The following FOXJ3 variants were observed in gnomAD, a reference collection of about 807,000 sequenced individuals.
FOXJ3 encodes forkhead box J3, also known as forkhead box protein J3.
Under a neutral mutation model 76.1 loss-of-function variants are expected in FOXJ3, and 22 were observed. The ratio of observed to expected loss-of-function variants is 0.29; its 90% CI spans 0.21 to 0.41. FOXJ3 has a LOEUF of 0.41. FOXJ3 is among the 10% of genes least tolerant of loss of function. FOXJ3 has a pLI of 1.00. For synonymous variants in FOXJ3, 269 were observed against 261.2 expected (o/e 1.03, Z -0.29); for missense variants, 613 against 762.1 (o/e 0.80, Z 2.30).
chr1:42,301,401 C>T (rs1654140831), intron 2 of FOXJ3, among the ~76,000 whole-genome samples: 1 of 152,036 alleles, frequency 6.6e-6, no homozygotes, highest in Admixed American at 6.6e-5. Context: ...GGGTTTTCAC[C>T]ATGTTGGCCA....
At chr1:42,314,550 C>A (rs1654998456) in intron 1 of FOXJ3, among the ~76,000 whole-genome samples, 1 of 152,182 alleles carries the variant, frequency 6.6e-6, no homozygotes, top group Non-Finnish European at 1.5e-5. Flanking sequence ...CCACGCCCAG[C>A]CCTCAGTCTC....
chr1:42,306,030 AAT>A (rs1475537059), intron 2 of FOXJ3, among the ~76,000 whole-genome samples: 2 of 152,200 alleles, frequency 1.3e-5, no homozygotes, highest in South Asian at 2.1e-4. Context: ...AGTTACAAAA[AAT>A]AGTCTATTGT....
chr1:42,188,983 G>C (rs1646490928), intron 10 of FOXJ3, 55 bp from the exon 11 acceptor site: 3 of 1,144,934 alleles, frequency 2.6e-6, no homozygotes, highest in Middle Eastern at 2.0e-4. Context: ...AACATTGCAA[G>C]GAAAATAGCA....
At chr1:42,324,146 C>CTG (rs151307889) in intron 1 of FOXJ3, among the ~76,000 whole-genome samples, 71 of 85,550 alleles carry the variant, frequency 8.3e-4, no homozygotes, top group African/African-American at 3.3e-3. Flanking sequence ...AGTATATATA[C>CTG]TATATATACA....
At chr1:42,293,715 A>G (rs1209928730) in intron 2 of FOXJ3, among the ~76,000 whole-genome samples, 4 of 152,190 alleles carry the variant, frequency 2.6e-5, no homozygotes, top group Admixed American at 2.0e-4. Context: ...AAGAAGCACT[A>G]TCTTTTTCTC....
At chr1:42,314,704 C>T (rs1655007983) in intron 1 of FOXJ3, among the ~76,000 whole-genome samples, 1 of 152,206 alleles carries the variant, frequency 6.6e-6, no homozygotes, top group South Asian at 2.1e-4. Flanking sequence ...TCATTTGGCT[C>T]TTAAACCTAA....
intron 1 of FOXJ3, among the ~76,000 whole-genome samples, chr1:42,333,076 C>T (rs1352519314): frequency 2.0e-5 from 3 of 151,994 alleles, no homozygotes; most frequent in South Asian, 2.1e-4. Context: ...TACACAAATG[C>T]TGACTTACCA....
At chr1:42,186,388 G>C (rs1467512401) in intron 11 of FOXJ3, among the ~76,000 whole-genome samples, 34 of 152,236 alleles carry the variant, frequency 2.2e-4, no homozygotes. Context: ...AAAGGGGAGT[G>C]AGAGTAGAAA....
intron 12 of FOXJ3, among the ~76,000 whole-genome samples, chr1:42,181,305 G>A (rs912981009): frequency 1.4e-4 from 21 of 152,260 alleles, no homozygotes; most frequent in East Asian, 9.6e-4. Context: ...GCCGTATTCC[G>A]CTGGCTAAAT....
At chr1:42,276,500 G>T (rs547726598) in intron 3 of FOXJ3, among the ~76,000 whole-genome samples, 3 of 152,278 alleles carry the variant, frequency 2.0e-5, no homozygotes, top group South Asian at 2.1e-4. Flanking sequence ...TACTAATGGG[G>T]TTCTTGGAAA....
At chr1:42,291,327 T>G (rs1653424717) in intron 2 of FOXJ3, among the ~76,000 whole-genome samples, 1 of 152,188 alleles carries the variant, frequency 6.6e-6, no homozygotes, top group Admixed American at 6.5e-5. Context: ...AAAATCTGGT[T>G]AGGCAAATAT....
At chr1:42,269,705 A>G (rs960002538) in intron 3 of FOXJ3, among the ~76,000 whole-genome samples, 6 of 152,162 alleles carry the variant, frequency 3.9e-5, no homozygotes, top group Admixed American at 1.3e-4. Context: ...AGACATTATT[A>G]TTCACATAAC....
intron 2 of FOXJ3, among the ~76,000 whole-genome samples, chr1:42,308,974 A>G (rs745531735): frequency 6.6e-6 from 1 of 150,856 alleles, no homozygotes; most frequent in African/African-American, 2.4e-5. Context: ...GAAAGTGGAC[A>G]CTAAAGAAAT....
At chr1:42,194,119 A>G (rs1646604486) in intron 8 of FOXJ3, among the ~76,000 whole-genome samples, 1 of 152,246 alleles carries the variant, frequency 6.6e-6, no homozygotes, top group South Asian at 2.1e-4. Flanking sequence ...ATTTTGACAC[A>G]GCAGCAGGAA....
chr1:42,229,772 A>C (rs555211325), intron 4 of FOXJ3, among the ~76,000 whole-genome samples: 1 of 152,344 alleles, frequency 6.6e-6, no homozygotes, highest in Non-Finnish European at 1.5e-5. Context: ...AAGTTTCAGA[A>C]TAAATGCAAG....
chr1:42,254,789 G>T (rs1296614979), intron 4 of FOXJ3, among the ~76,000 whole-genome samples: 2 of 142,064 alleles, frequency 1.4e-5, no homozygotes, highest in African/African-American at 5.4e-5. Flanking sequence ...ACAGGAAGGG[G>T]AACATCACAC....
chr1:42,326,797 C>T (rs1180170221), intron 1 of FOXJ3, among the ~76,000 whole-genome samples: 5 of 152,128 alleles, frequency 3.3e-5, no homozygotes, highest in African/African-American at 1.2e-4. Context: ...TCCAAGTAGG[C>T]CAGGTCCTTT....
intron 5 of FOXJ3, among the ~76,000 whole-genome samples, chr1:42,210,095 C>T (rs1212061137): frequency 6.6e-6 from 1 of 152,192 alleles, no homozygotes; most frequent in Non-Finnish European, 1.5e-5. Flanking sequence ...GTTGCCAAGT[C>T]CGTGGGAGCT....
intron 1 of FOXJ3, among the ~76,000 whole-genome samples, chr1:42,312,892 T>A (rs1654893514): frequency 6.6e-6 from 1 of 152,186 alleles, no homozygotes; most frequent in East Asian, 1.9e-4. Context: ...AATGTTCAGT[T>A]CTTAACCAAG....
Sources: gnomAD v4.1 joint callset for allele counts (sites outside exome capture counted in the v4.1 genomes callset) on GRCh38, gnomAD v4.1.1 for gene constraint, MANE v1.5 for transcripts, NCBI Gene and HGNC (gene_info 2026-07-23, HGNC 2026-07-21) for gene names.